Variants in SGCZ observed in about 807,000 individuals in gnomAD.
The protein encoded by SGCZ is sarcoglycan zeta.
A neutral mutation model predicts 41.3 loss-of-function variants in SGCZ; 40 were observed. The observed-to-expected ratio is 0.97, with a 90% CI of 0.75 to 1.26. The LOEUF is 1.26. Among genes scored for constraint, SGCZ ranks in the 50% most tolerant of loss-of-function variants. The pLI, the probability that SGCZ is intolerant of heterozygous loss-of-function variation, is 0.00. For synonymous variants in SGCZ, 206 were observed against 137.5 expected, an observed-to-expected ratio of 1.50 and a Z score of -3.49; for missense variants, 552 against 369.8, an observed-to-expected ratio of 1.49 and a Z score of -4.04.
At chr8:14,606,397 C>G (rs951845709) in intron 1 of SGCZ, among the ~76,000 whole-genome samples, 20 of 152,190 alleles carry the variant, frequency 1.3e-4, no homozygotes, top group Non-Finnish European at 2.1e-4. Context: ...CTCAACAACA[C>G]AAAACTTGAT....
At chr8:14,630,300 T>A (rs1355776281) in intron 1 of SGCZ, among the ~76,000 whole-genome samples, 1 of 152,022 alleles carries the variant, frequency 6.6e-6, no homozygotes, top group African/African-American at 2.4e-5. Flanking sequence ...GGAAAAATGC[T>A]TGCCTCTAGT....
intron 1 of SGCZ, among the ~76,000 whole-genome samples, chr8:14,747,173 C>T (rs1799359093): frequency 6.6e-6 from 1 of 152,212 alleles, no homozygotes; most frequent in Non-Finnish European, 1.5e-5. Flanking sequence ...GCCACTCATT[C>T]CACCCACATT....
intron 1 of SGCZ, among the ~76,000 whole-genome samples, chr8:15,216,878 A>G (rs959334405): frequency 9.2e-5 from 14 of 152,122 alleles, no homozygotes; most frequent in African/African-American, 3.4e-4. Flanking sequence ...CCAGGCCACA[A>G]AAGAGTTATA....
At chr8:14,940,388 A>G (rs1800230824) in intron 1 of SGCZ, among the ~76,000 whole-genome samples, 1 of 152,158 alleles carries the variant, frequency 6.6e-6, no homozygotes, top group African/African-American at 2.4e-5. Context: ...AAATAGACTT[A>G]CTTATATAAG....
chr8:14,726,111 T>C (rs1371923710), intron 1 of SGCZ, among the ~76,000 whole-genome samples: 1 of 151,338 alleles, frequency 6.6e-6, no homozygotes, highest in African/African-American at 2.4e-5. Flanking sequence ...ACAAAAAATT[T>C]AGCCAGGCGT....
chr8:14,480,578 G>A lies in SGCZ; in HGVS notation c.234+74154C>T, dbSNP rs372795861. Reference sequence around the variant, plus strand: ...CAATTTACAAATTTATTCAATGTTCGTGTTTAATCATTCTCATCATGCTGA... The same window carrying A: ...CAATTTACAAATTTATTCAATGTTCATGTTTAATCATTCTCATCATGCTGA... On this transcript the variant is annotated intron_variant, in intron 2 of 7. Coordinates refer to ENST00000382080, the MANE Select transcript of SGCZ (RefSeq NM_139167.4). Among the ~76,000 whole-genome samples, 91 of 123,090 alleles carry A rather than the reference G, an allele frequency of 7.4e-4. 1 individual carries two copies. In the South Asian group the frequency reaches 0.028, roughly 37 times the overall value. The allele number at this position is 123,090 out of a possible 152,430, so 80.8% of individuals were successfully genotyped here. A position where few individuals can be genotyped will look rare whatever the true frequency, so the allele number is the denominator to read the frequency against.
At chr8:15,121,539 T>A (rs997891214) in intron 1 of SGCZ, among the ~76,000 whole-genome samples, 2 of 152,170 alleles carry the variant, frequency 1.3e-5, no homozygotes, top group African/African-American at 4.8e-5. Flanking sequence ...AGTAGTCTAG[T>A]TGTTGAAGTA....
At chr8:14,522,046 C>G (rs992877569) in intron 2 of SGCZ, among the ~76,000 whole-genome samples, 1 of 152,094 alleles carries the variant, frequency 6.6e-6, no homozygotes, top group Non-Finnish European at 1.5e-5. Context: ...CATCTTTACT[C>G]AGTTAACCTG....
chr8:14,286,027 C>G (rs917189891), intron 3 of SGCZ, among the ~76,000 whole-genome samples: 2 of 151,620 alleles, frequency 1.3e-5, no homozygotes, highest in African/African-American at 4.8e-5. Flanking sequence ...CTAATAGGAA[C>G]TATTTATTTA....
chr8:14,885,556 C>A (rs1261015402), intron 1 of SGCZ, among the ~76,000 whole-genome samples: 1 of 152,074 alleles, frequency 6.6e-6, no homozygotes, highest in Non-Finnish European at 1.5e-5. Flanking sequence ...GAACTTCTTT[C>A]ACAGCCGGCA....
intron 3 of SGCZ, among the ~76,000 whole-genome samples, chr8:14,261,949 T>C (rs536222266): frequency 5.3e-5 from 8 of 152,280 alleles, no homozygotes; most frequent in Non-Finnish European, 1.0e-4. Flanking sequence ...GATCTGGTTT[T>C]ACTCACACGA....
chr8:15,234,034 T>G (rs1347515603), intron 1 of SGCZ, among the ~76,000 whole-genome samples: 1 of 152,182 alleles, frequency 6.6e-6, no homozygotes, highest in Admixed American at 6.5e-5. Context: ...TTTTAAAAGA[T>G]GAGTAAAAGA....
intron 1 of SGCZ, among the ~76,000 whole-genome samples, chr8:14,817,356 C>A (rs1286115709): frequency 6.6e-6 from 1 of 152,136 alleles, no homozygotes; most frequent in Admixed American, 6.5e-5. Context: ...GCAATCTTTA[C>A]TATAAGAGAG....
intron 5 of SGCZ, among the ~76,000 whole-genome samples, chr8:14,154,609 G>A (rs554557450): frequency 5.1e-4 from 78 of 152,276 alleles, no homozygotes; most frequent in African/African-American, 1.8e-3. Flanking sequence ...TTTAAAAATT[G>A]TTGTATATTC....
chr8:14,395,494 G>A (rs748647915), intron 2 of SGCZ, among the ~76,000 whole-genome samples: 17 of 152,128 alleles, frequency 1.1e-4, no homozygotes, highest in Non-Finnish European at 2.2e-4. Context: ...GAATACACTT[G>A]GGCTAATAAC....
At chr8:14,477,237 G>A (rs572934184) in intron 2 of SGCZ, among the ~76,000 whole-genome samples, 18 of 152,026 alleles carry the variant, frequency 1.2e-4, no homozygotes, top group South Asian at 2.1e-4. Flanking sequence ...GCCTACTACC[G>A]TTGTATTAAT....
chr8:14,298,513 G>A (rs996191281), intron 3 of SGCZ, among the ~76,000 whole-genome samples: 1 of 151,920 alleles, frequency 6.6e-6, no homozygotes, highest in Non-Finnish European at 1.5e-5. Flanking sequence ...CCATCAGTAT[G>A]CCAAAGTCAA....
chr8:14,230,746 T>C (rs955283574), intron 4 of SGCZ, among the ~76,000 whole-genome samples: 1 of 132,570 alleles, frequency 7.5e-6, no homozygotes, highest in Non-Finnish European at 1.7e-5. Context: ...CTTCTTTCCT[T>C]CTTTTTTTTT....
chr8:14,996,372 T>C (rs1802219791), intron 1 of SGCZ, among the ~76,000 whole-genome samples: 1 of 152,170 alleles, frequency 6.6e-6, no homozygotes, highest in Non-Finnish European at 1.5e-5. Flanking sequence ...CAATGAAAGT[T>C]GTTGTAGCAG....
Sources: allele counts gnomAD v4.1 joint callset (sites outside exome capture counted in the v4.1 genomes callset), GRCh38; gene constraint gnomAD v4.1.1; transcripts MANE v1.5; gene names NCBI Gene and HGNC (gene_info 2026-07-23, HGNC 2026-07-21).